Variants in PLPBP observed in about 807,000 individuals in gnomAD.
PLPBP encodes pyridoxal phosphate homeostasis protein.
Under a neutral mutation model 31.2 loss-of-function variants are expected in PLPBP, and 21 were observed. The ratio of observed to expected loss-of-function variants is 0.67; its 90% CI spans 0.48 to 0.97. The LOEUF (loss-of-function observed/expected upper bound fraction) is 0.97. PLPBP is among the 50% of genes least tolerant of loss of function. The pLI, the probability that PLPBP is intolerant of heterozygous loss-of-function variation, is 0.00. For missense variants in PLPBP, 308 were observed against 354.4 expected, an observed-to-expected ratio of 0.87 and a Z score of 1.05; for synonymous variants, 124 against 135.6, an observed-to-expected ratio of 0.91 and a Z score of 0.59.
chr8:37,765,842 T>C (rs1026457975), intron 3 of PLPBP, 96 bp downstream of exon 3: 7 of 1,375,208 alleles, frequency 5.1e-6, no homozygotes, highest in African/African-American at 1.5e-5. Context: ...ACAGCAGTTT[T>C]AGGGTGGTTG....
At chr8:37,763,890 T>G (rs2129766425) in intron 1 of PLPBP, among the ~76,000 whole-genome samples, 1 of 152,296 alleles carries the variant, frequency 6.6e-6, no homozygotes, top group African/African-American at 2.4e-5. Flanking sequence ...ACAAGAAGAC[T>G]AAATCGTGCA....
Position 37,762,650 on chromosome 8 carries a change from T to A in PLPBP, c.-10T>A. ...CCGGGGGCCTGGGGCTCGGCGTCGGTCCCCGGGGGATGTGGAGAGCTGGCA... is the reference window on the plus strand; with the variant it reads ...CCGGGGGCCTGGGGCTCGGCGTCGGACCCCGGGGGATGTGGAGAGCTGGCA... On this transcript the variant is annotated 5_prime_UTR_variant, in exon 1 of 8. Transcript: ENST00000328195. 1 of 1,570,314 alleles carries A rather than the reference T, an allele frequency of 6.4e-7. No homozygotes were observed.
chr8:37,763,199 C>A (rs769663591), intron 1 of PLPBP, among the ~76,000 whole-genome samples: 1 of 152,140 alleles, frequency 6.6e-6, no homozygotes, highest in African/African-American at 2.4e-5. Flanking sequence ...ATGCCAGTGC[C>A]GCCCGGAGGC....
intron 4 of PLPBP, among the ~76,000 whole-genome samples, chr8:37,767,649 G>T (rs1803666397): frequency 6.6e-6 from 1 of 152,082 alleles, no homozygotes; most frequent in African/African-American, 2.4e-5. Context: ...ATGAATATTT[G>T]TGTACGAGCC....
Position 37,776,036 on chromosome 8 carries a change from C to A in PLPBP, c.696+20C>A. 1 of 1,603,180 alleles carries A rather than the reference C, an allele frequency of 6.2e-7. No homozygotes were observed. On this transcript the variant is annotated intron_variant, in intron 7 of 7. Transcript: ENST00000328195. ...CATGCGGTGAGTGTCCTGCCAGTGC[C>A]CTGTCTGCCTCGAGGGGTGGGGGTA...
At chr8:37,763,957 G>T (rs1028928660) in intron 1 of PLPBP, among the ~76,000 whole-genome samples, 1 of 151,998 alleles carries the variant, frequency 6.6e-6, no homozygotes, top group African/African-American at 2.4e-5. Context: ...GCAGCAGAAC[G>T]CATAGAACCC....
At chr8:37,763,522 C>T (rs1355669340) in intron 1 of PLPBP, among the ~76,000 whole-genome samples, 1 of 152,050 alleles carries the variant, frequency 6.6e-6, no homozygotes, top group Non-Finnish European at 1.5e-5. Context: ...TAGACGTTAC[C>T]TTGAACAAGT....
At chr8:37,762,879 G>T in intron 1 of PLPBP, 121 bp downstream of exon 1, 1 of 1,267,374 alleles carries the variant, frequency 7.9e-7, no homozygotes, top group Non-Finnish European at 1.1e-6. Context: ...CTGGTCGGCC[G>T]CCTAGGGCCA....
At position 37,778,010 on chromosome 8, in the gene PLPBP, C is replaced by T. The variant is rs144784344; in HGVS notation, c.734C>T (p.Thr245Met). Residue 245 changes from threonine (T) to methionine (M), a missense_variant, in exon 8 of 8, where the codon ACG becomes ATG. Thr to Met is a moderately conservative substitution (Grantham distance 81, BLOSUM62 -1). Around this residue, in one of 2 missense-constraint regions of PLPBP, gnomAD observed 188 missense variants for 259.3 expected, o/e 0.73. Transcript: ENST00000328195. ...TCTACAAATGTCCGAATAGGAAGCA[C>T]GATTTTTGGAGAGCGGGATTACTCA... is the stretch of plus-strand genomic sequence containing the variant. ...VGSTNVRIGSTIFGERDYSKK... is the reference protein window; with the variant it reads ...VGSTNVRIGSMIFGERDYSKK... 71 of 1,613,376 alleles carry T rather than the reference C, an allele frequency of 4.4e-5. No individual in the cohort carries two copies. Among genetic ancestry groups the T allele is most frequent in the Non-Finnish European group, 5.8e-5 (69 of 1,179,556 alleles).
chr8:37,771,347 C>G (rs962703911), intron 4 of PLPBP, among the ~76,000 whole-genome samples: 1 of 151,972 alleles, frequency 6.6e-6, no homozygotes, highest in Non-Finnish European at 1.5e-5. Flanking sequence ...ACCATGTTGG[C>G]CAAATGGATC....
intron 4 of PLPBP, among the ~76,000 whole-genome samples, chr8:37,768,051 C>T (rs184656925): frequency 3.9e-5 from 6 of 152,078 alleles, no homozygotes; most frequent in Admixed American, 3.3e-4. Context: ...GTGATCCACC[C>T]GCCTCAGCCT....
intron 5 of PLPBP, among the ~76,000 whole-genome samples, chr8:37,773,509 G>T (rs542602600): frequency 1.9e-5 from 2 of 106,748 alleles, no homozygotes; most frequent in Non-Finnish European, 3.7e-5. Flanking sequence ...TCACTCTGTC[G>T]CCAGGCTGGA....
upstream of PLPBP, chr8:37,762,598 C>T: frequency 6.5e-7 from 1 of 1,528,404 alleles, no homozygotes. Context: ...CTGGGCGGAA[C>T]CGGAAGATGG....
At chr8:37,775,303 T>G in intron 5 of PLPBP, 36 bp from the exon 6 acceptor site, 1 of 1,613,084 alleles carries the variant, frequency 6.2e-7, no homozygotes, top group Non-Finnish European at 8.5e-7. Flanking sequence ...CCATTTACCC[T>G]TGCAGTATAC....
chr8:37,775,814 A>G (rs965321431), intron 6 of PLPBP, 104 bp from the exon 7 acceptor site: 1 of 1,217,350 alleles, frequency 8.2e-7, no homozygotes. Flanking sequence ...AGGCCTTGAA[A>G]TCATAAGGAA....
intron 7 of PLPBP, 121 bp from the exon 8 acceptor site, chr8:37,777,852 T>C: frequency 8.4e-7 from 1 of 1,188,270 alleles, no homozygotes; most frequent in Non-Finnish European, 1.2e-6. Context: ...ATTACAGGCG[T>C]GAGCCACCAC....
chr8:37,777,939 C>A, intron 7 of PLPBP, 34 bp from the exon 8 acceptor site: 2 of 1,592,818 alleles, frequency 1.3e-6, no homozygotes, highest in East Asian at 2.3e-5. Flanking sequence ...TTATTTTAAA[C>A]CTGGTCCTCG....
At chr8:37,777,051 G>C (rs934117135) in intron 7 of PLPBP, among the ~76,000 whole-genome samples, 4 of 152,212 alleles carry the variant, frequency 2.6e-5, no homozygotes, top group African/African-American at 9.7e-5. Context: ...ACAGGCATGA[G>C]CCACTGCACC....
chr8:37,769,499 G>A (rs1267509739), intron 4 of PLPBP, among the ~76,000 whole-genome samples: 2 of 151,102 alleles, frequency 1.3e-5, no homozygotes, highest in Non-Finnish European at 2.9e-5. Context: ...AATACATAAA[G>A]AGCTACAAAT....
Sources: allele counts gnomAD v4.1 joint callset (sites outside exome capture counted in the v4.1 genomes callset), GRCh38; gene constraint gnomAD v4.1.1; regional missense constraint gnomAD v4.1.1; transcripts MANE v1.5; gene names NCBI Gene and HGNC (gene_info 2026-07-23, HGNC 2026-07-21).